The following MEMO1 variants were observed in gnomAD, a reference collection of about 807,000 sequenced individuals.
The protein encoded by MEMO1 is mediator of cell motility 1, also known as protein MEMO1.
MEMO1 carries 6 observed loss-of-function variants against 45.2 expected under a neutral mutation model. That is an observed-to-expected ratio of 0.13 (90% CI 0.07 to 0.26). MEMO1 has a LOEUF of 0.26. MEMO1 is among the 10% of genes least tolerant of loss of function. The pLI, the probability that MEMO1 is intolerant of heterozygous loss-of-function variation, is 1.00. For synonymous variants in MEMO1, 78 were observed against 124.3 expected, an observed-to-expected ratio of 0.63 and a Z score of 2.48; for missense variants, 184 against 370.5, an observed-to-expected ratio of 0.50 and a Z score of 4.13.
At chr2:31,903,792 C>G (rs143151625) in intron 6 of MEMO1, among the ~76,000 whole-genome samples, 1 of 152,236 alleles carries the variant, frequency 6.6e-6, no homozygotes, top group African/African-American at 2.4e-5. Context: ...ATACAAATAA[C>G]TGTAAATATA....
chr2:31,997,128 A>G (rs1672712522), intron 2 of MEMO1, among the ~76,000 whole-genome samples: 1 of 152,164 alleles, frequency 6.6e-6, no homozygotes, highest in Non-Finnish European at 1.5e-5. Context: ...GACCTCAATG[A>G]AAAAAATACT....
chr2:31,938,050 A>C (rs1207228221), intron 3 of MEMO1, among the ~76,000 whole-genome samples: 1 of 152,196 alleles, frequency 6.6e-6, no homozygotes, highest in African/African-American at 2.4e-5. Flanking sequence ...AAGGTAAGGT[A>C]GTTCTGAATT....
chr2:31,994,326 A>G (rs1194776969), intron 2 of MEMO1, among the ~76,000 whole-genome samples: 2 of 151,844 alleles, frequency 1.3e-5, no homozygotes, highest in African/African-American at 2.4e-5. Flanking sequence ...AATGTCTGGC[A>G]TCCAATAAAA....
intron 2 of MEMO1, among the ~76,000 whole-genome samples, chr2:31,957,261 A>G (rs987748227): frequency 2.0e-5 from 3 of 152,298 alleles, no homozygotes; most frequent in South Asian, 2.1e-4. Flanking sequence ...CACTACGTAC[A>G]TGTATTATCT....
intron 2 of MEMO1, among the ~76,000 whole-genome samples, chr2:31,958,512 C>A (rs1308622444): frequency 6.6e-6 from 1 of 152,026 alleles, no homozygotes; most frequent in Non-Finnish European, 1.5e-5. Flanking sequence ...ACAGTCCCCA[C>A]AAAACTTCTA....
chr2:31,944,253 G>A (rs1245924513), intron 2 of MEMO1, among the ~76,000 whole-genome samples: 4 of 152,108 alleles, frequency 2.6e-5, no homozygotes, highest in African/African-American at 4.8e-5. Flanking sequence ...TCACATTAAC[G>A]TAGTGAATCT....
At chr2:32,005,745 G>A (rs1409783823) in intron 2 of MEMO1, among the ~76,000 whole-genome samples, 1 of 152,028 alleles carries the variant, frequency 6.6e-6, no homozygotes, top group Non-Finnish European at 1.5e-5. Context: ...CTAATTATAC[G>A]CCTACTATAT....
At chr2:31,900,805 T>C (rs1482948333) in intron 6 of MEMO1, among the ~76,000 whole-genome samples, 1 of 152,116 alleles carries the variant, frequency 6.6e-6, no homozygotes, top group African/African-American at 2.4e-5. Context: ...CAATAACAGA[T>C]ATTGGCCAGG....
chr2:31,955,321 C>G (rs1296424283), intron 2 of MEMO1, among the ~76,000 whole-genome samples: 5 of 152,152 alleles, frequency 3.3e-5, no homozygotes, highest in Non-Finnish European at 7.3e-5. Flanking sequence ...TGAGATTTTT[C>G]AGTGTAATTG....
At chr2:31,989,552 G>A (rs748004763) in intron 2 of MEMO1, among the ~76,000 whole-genome samples, 3 of 152,090 alleles carry the variant, frequency 2.0e-5, no homozygotes, top group Non-Finnish European at 4.4e-5. Context: ...CAACCAAAGT[G>A]GAGGATAAAC....
rs367675722 is a variant in MEMO1, at chr2:31,955,324, T to G, written c.62-11941A>C. On this transcript the variant is annotated intron_variant, in intron 2 of 9. Transcript: ENST00000404530. ...AAGGTTTATACCTGAGATTTTTCAG[T>G]GTAATTGAGAAATCATATAATCTAT... Among the ~76,000 whole-genome samples, 230 of 152,328 alleles carry G rather than the reference T, an allele frequency of 1.5e-3. 7 individuals are homozygous for G. The South Asian group carries it at 0.045, about 30-fold the overall frequency.
chr2:32,002,886 T>C (rs1673583814), intron 2 of MEMO1, among the ~76,000 whole-genome samples: 1 of 152,146 alleles, frequency 6.6e-6, no homozygotes, highest in Admixed American at 6.6e-5. Flanking sequence ...AATCAGGCAA[T>C]CATATCAACA....
intron 7 of MEMO1, among the ~76,000 whole-genome samples, chr2:31,885,283 C>A (rs1676023366): frequency 6.6e-6 from 1 of 152,156 alleles, no homozygotes; most frequent in African/African-American, 2.4e-5. Flanking sequence ...CCACATCCAG[C>A]TACTTTTTGT....
intron 2 of MEMO1, among the ~76,000 whole-genome samples, chr2:31,965,211 CA>C (rs1203889935): frequency 2.3e-5 from 3 of 129,636 alleles, no homozygotes; most frequent in African/African-American, 8.7e-5. Context: ...GAAACTCCAT[CA>C]AAAAAAAGAA....
At chr2:31,907,816 CACACAT>C (rs1431258830) in intron 6 of MEMO1, among the ~76,000 whole-genome samples, 8 of 151,756 alleles carry the variant, frequency 5.3e-5, no homozygotes, top group South Asian at 4.2e-4. Context: ...CACACACACA[CACACAT>C]ACACACAACT....
chr2:31,898,893 T>A lies in MEMO1; in HGVS notation c.438-6759A>T, dbSNP rs1485785267. 2.0e-5 allele frequency among the ~76,000 whole-genome samples: 3 copies of A among 152,214 alleles called. No homozygotes were observed. In the South Asian group the frequency reaches 6.2e-4, roughly 32 times the overall value. ...GAACTTGCTTTATGAATCTGGGTGC[T>A]CCTGTATTGGGTGCAAATATATTTA... On this transcript the variant is annotated intron_variant, in intron 6 of 9. Transcript: ENST00000404530.
intron 2 of MEMO1, among the ~76,000 whole-genome samples, chr2:31,954,712 T>G (rs966957520): frequency 6.6e-6 from 1 of 151,942 alleles, no homozygotes; most frequent in Non-Finnish European, 1.5e-5. Context: ...TGCATACTTG[T>G]AATCTCAACT....
At chr2:31,987,346 C>T (rs923316192) in intron 2 of MEMO1, among the ~76,000 whole-genome samples, 1 of 151,982 alleles carries the variant, frequency 6.6e-6, no homozygotes, top group East Asian at 1.9e-4. Context: ...AGGAGAATGA[C>T]AAAAGACTAG....
intron 2 of MEMO1, among the ~76,000 whole-genome samples, chr2:32,006,931 C>T (rs1445817603): frequency 7.1e-6 from 1 of 140,750 alleles, no homozygotes; most frequent in Non-Finnish European, 1.5e-5. Flanking sequence ...TGCCATTGCA[C>T]TCCACCCTGG....
Sources: gnomAD v4.1 joint callset for allele counts (sites outside exome capture counted in the v4.1 genomes callset) on GRCh38, gnomAD v4.1.1 for gene constraint, MANE v1.5 for transcripts, NCBI Gene and HGNC (gene_info 2026-07-23, HGNC 2026-07-21) for gene names.